KANK1: variants seen among roughly 807,000 people sequenced by gnomAD.
The protein encoded by KANK1 is KN motif and ankyrin repeat domains 1.
KANK1 carries 109 observed loss-of-function variants against 106.2 expected under a neutral mutation model. The ratio of observed to expected loss-of-function variants is 1.03; its 90% CI spans 0.88 to 1.20. The LOEUF (loss-of-function observed/expected upper bound fraction) is 1.20. Among genes scored for constraint, KANK1 ranks in the 50% most tolerant of loss-of-function variants. The probability of loss-of-function intolerance (pLI) is 0.00; values close to 1 mark genes in which losing one functional copy is unlikely to be tolerated. For missense variants in KANK1, 2,399 were observed against 1,710.7 expected (o/e 1.40, Z -7.10); for synonymous variants, 873 against 652.2 (o/e 1.34, Z -5.16).
chr9:732,694 G>A, intron 6 of KANK1, 77 bp downstream of exon 6: 2 of 1,506,936 alleles, frequency 1.3e-6, no homozygotes, highest in Non-Finnish European at 1.8e-6. Flanking sequence ...CCAGTTCAGA[G>A]CTTTTGTAAT....
intron 1 of KANK1, among the ~76,000 whole-genome samples, chr9:507,002 G>T (rs2058787349): frequency 6.6e-6 from 1 of 152,150 alleles, no homozygotes; most frequent in Non-Finnish European, 1.5e-5. Context: ...TTTTAGTAAG[G>T]AGAGTTGAAG....
At chr9:483,999 C>T (rs1368464464) in intron 3 of KANK1, among the ~76,000 whole-genome samples, 1 of 152,190 alleles carries the variant, frequency 6.6e-6, no homozygotes, top group East Asian at 1.9e-4. Context: ...AAAGTGCTAG[C>T]CAAACAAATC....
intron 1 of KANK1, among the ~76,000 whole-genome samples, chr9:625,945 G>T (rs761526480): frequency 1.3e-5 from 2 of 151,960 alleles, no homozygotes; most frequent in African/African-American, 2.4e-5. Flanking sequence ...CCCACCTTCA[G>T]TCACTTCAGA....
intron 2 of KANK1, among the ~76,000 whole-genome samples, chr9:696,678 A>G (rs902228708): frequency 6.6e-6 from 1 of 152,174 alleles, no homozygotes; most frequent in Non-Finnish European, 1.5e-5. Context: ...ATTTCGTGCC[A>G]CAGAAAAGAG....
chr9:493,985 C>T lies in KANK1; in HGVS notation c.-362+20712C>T, dbSNP rs546227249. On this transcript the variant is annotated intron_variant, in intron 3 of 15. Coordinates refer to the KANK1 transcript ENST00000382303. ...ACAACTTACACCTCCCGGGTTCAAGCGATTCTCCTGCCTCAGCCTCCTGAG... is the reference window on the plus strand; with the variant it reads ...ACAACTTACACCTCCCGGGTTCAAGTGATTCTCCTGCCTCAGCCTCCTGAG... 1.8e-4 allele frequency among the ~76,000 whole-genome samples: 28 copies of T among 152,044 alleles called. No individual in the cohort carries two copies. In the South Asian group the frequency reaches 5.4e-3, roughly 29 times the overall value.
chr9:608,176 TA>T (rs1341060615), intron 1 of KANK1, among the ~76,000 whole-genome samples: 1 of 149,552 alleles, frequency 6.7e-6, no homozygotes, highest in East Asian at 1.9e-4. Flanking sequence ...TAGCTGGGAC[TA>T]CAGGCGCCCG....
intron 1 of KANK1, among the ~76,000 whole-genome samples, chr9:663,137 TA>T (rs1433068650): frequency 8.5e-5 from 13 of 152,152 alleles, no homozygotes; most frequent in Non-Finnish European, 2.9e-5. Context: ...TCAGTGGAAT[TA>T]AAGGAAAAAT....
At chr9:690,710 T>C (rs1819707671) in intron 2 of KANK1, among the ~76,000 whole-genome samples, 1 of 152,234 alleles carries the variant, frequency 6.6e-6, no homozygotes, top group Non-Finnish European at 1.5e-5. Context: ...TCTAGACTAA[T>C]GGAGCAGGCT....
In KANK1 at chr9:744,553, G is replaced by T; in HGVS notation, c.3960G>T (p.Leu1320=). The T allele has an allele frequency of 1.9e-6, 3 of 1,614,152 alleles. No homozygotes were observed. The highest frequency in any genetic ancestry group is 1.7e-6 in the Non-Finnish European group (2 of 1,180,032). ...EAGHKDIAVL[L]YAHVNFAKAQ... ...GACACAAGGACATCGCTGTTCTTCT[G>T]TATGCCCATGTCAACTTTGCAAAAG... Residue 1320 remains leucine, a synonymous_variant, in exon 11 of 12, where the codon CTG becomes CTT. Coordinates refer to ENST00000382297, the MANE Select transcript of KANK1 (RefSeq NM_015158.5).
rs573603445 is a variant in KANK1 at position 579,229 on chromosome 9, C to T, written c.-84+74475C>T. Reference sequence around the variant, plus strand: ...CCCACCCTGGGTCTGCTTCCCTCTGCCCCCAGTGTGGGCTCCCGTAGCACA... The same window carrying T: ...CCCACCCTGGGTCTGCTTCCCTCTGTCCCCAGTGTGGGCTCCCGTAGCACA... On this transcript the variant is annotated intron_variant, in intron 1 of 11. Coordinates refer to ENST00000382297, the MANE Select transcript of KANK1 (RefSeq NM_015158.5). Among the ~76,000 whole-genome samples the T allele has an allele frequency of 2.0e-5, 3 of 152,144 alleles. No homozygotes were observed. In the East Asian group the frequency reaches 5.8e-4, roughly 29 times the overall value.
At chr9:571,148 C>G (rs1246107028) in intron 1 of KANK1, among the ~76,000 whole-genome samples, 1 of 152,170 alleles carries the variant, frequency 6.6e-6, no homozygotes, top group Non-Finnish European at 1.5e-5. Flanking sequence ...ATGGTTCCAG[C>G]ACTCCATCGA....
chr9:642,245 G>A lies in KANK1; in HGVS notation c.-83-34645G>A, dbSNP rs968571292. Among the ~76,000 whole-genome samples the A allele has an allele frequency of 3.5e-5, 5 of 143,692 alleles. 1 individual carries two copies. The highest frequency in any genetic ancestry group is 8.9e-5 in the African/African-American group (3 of 33,586). 94.3% of individuals were successfully genotyped at this position (143,692 alleles called of 152,430 possible). ...CTGTATCATAAAAGCATGAAAGGTCGTAGAATAAATGAGTCTGCAGAAAAC... is the reference window on the plus strand; with the variant it reads ...CTGTATCATAAAAGCATGAAAGGTCATAGAATAAATGAGTCTGCAGAAAAC... On this transcript the variant is annotated intron_variant, in intron 1 of 11. Coordinates refer to ENST00000382297, the MANE Select transcript of KANK1 (RefSeq NM_015158.5).
intron 3 of KANK1, among the ~76,000 whole-genome samples, chr9:727,575 C>G (rs915933400): frequency 2.6e-4 from 39 of 152,024 alleles, no homozygotes; most frequent in African/African-American, 8.7e-4. Flanking sequence ...CTCAGCCTCC[C>G]AAAGTGCTGG....
At chr9:690,175 A>T (rs1819568052) in intron 2 of KANK1, among the ~76,000 whole-genome samples, 1 of 144,840 alleles carries the variant, frequency 6.9e-6, no homozygotes, top group Admixed American at 7.0e-5. Context: ...GTGTGTTGGC[A>T]GGCCCCTGTA....
intron 1 of KANK1, among the ~76,000 whole-genome samples, chr9:559,090 A>G (rs571741685): frequency 2.1e-4 from 32 of 152,340 alleles, no homozygotes; most frequent in African/African-American, 7.2e-4. Context: ...TTAATTAACA[A>G]CTGTGATCTG....
chr9:473,130 T>G (rs753874838), intron 2 of KANK1: 1 of 152,216 alleles, frequency 6.6e-6, no homozygotes, highest in Non-Finnish European at 1.5e-5. Flanking sequence ...AGGCCCTGTG[T>G]TGGTGCATTG....
intron 2 of KANK1, chr9:685,663 C>A (rs73372943): frequency 6.6e-6 from 1 of 152,098 alleles, no homozygotes; most frequent in Non-Finnish European, 1.5e-5. Context: ...GAACAGTTTG[C>A]TACTAATAGT....
chr9:745,424 C>G lies in KANK1; in HGVS notation c.*189C>G. On this transcript the variant is annotated 3_prime_UTR_variant, in exon 12 of 12. Coordinates refer to ENST00000382297, the MANE Select transcript of KANK1 (RefSeq NM_015158.5). Reference sequence around the variant, plus strand: ...TAGCCTGGGCACACACACCTCCTTTCTGGCCGTCTTCTGTGTAGGGCACAC... The same window carrying G: ...TAGCCTGGGCACACACACCTCCTTTGTGGCCGTCTTCTGTGTAGGGCACAC... 1.7e-6 allele frequency: 1 copy of G among 601,118 alleles called. No individual in the cohort carries two copies. Among genetic ancestry groups the G allele is most frequent in the South Asian group, 2.0e-5 (1 of 50,158 alleles). 37.2% of individuals were successfully genotyped at this position (601,118 alleles called of 1,614,324 possible).
At chr9:543,783 A>G (rs2060760421) in intron 1 of KANK1, among the ~76,000 whole-genome samples, 1 of 152,116 alleles carries the variant, frequency 6.6e-6, no homozygotes, top group African/African-American at 2.4e-5. Context: ...AAAGTAGTTG[A>G]TTGTTGCAAG....
Sources: allele counts gnomAD v4.1 joint callset (sites outside exome capture counted in the v4.1 genomes callset), GRCh38; gene constraint gnomAD v4.1.1; transcripts MANE v1.5; gene names NCBI Gene and HGNC (gene_info 2026-07-23, HGNC 2026-07-21).